Variants in KDM2B observed in about 807,000 individuals in gnomAD.
KDM2B encodes lysine demethylase 2B.
Under a neutral mutation model 150.0 loss-of-function variants are expected in KDM2B, and 26 were observed. The ratio of observed to expected loss-of-function variants is 0.17; its 90% CI spans 0.13 to 0.24. The LOEUF (loss-of-function observed/expected upper bound fraction) is 0.24, where lower values mean the gene tolerates loss of function less well. Among genes scored for constraint, KDM2B ranks in the 10% least tolerant of loss-of-function variants. The pLI, the probability that KDM2B is intolerant of heterozygous loss-of-function variation, is 1.00. For synonymous variants in KDM2B, 734 were observed against 729.5 expected, an observed-to-expected ratio of 1.01 and a Z score of -0.10; for missense variants, 1,265 against 1,816.9, an observed-to-expected ratio of 0.70 and a Z score of 5.52.
intron 8 of KDM2B, chr12:121,524,639 G>A (rs530971671): frequency 1.8e-5 from 8 of 443,734 alleles, no homozygotes; most frequent in South Asian, 1.3e-4. Context: ...TAAGAAGGAG[G>A]TGTGGAAATA....
chr12:121,498,897 C>T (rs1884240409), intron 11 of KDM2B, among the ~76,000 whole-genome samples: 1 of 152,090 alleles, frequency 6.6e-6, no homozygotes. Flanking sequence ...ACCACAGCCT[C>T]GAACTCCTGG....
downstream of KDM2B, among the ~76,000 whole-genome samples, chr12:121,426,149 C>G (rs1258022122): frequency 6.6e-6 from 1 of 152,170 alleles, no homozygotes; most frequent in Non-Finnish European, 1.5e-5. Context: ...TTTGTCTAAA[C>G]TTAAATTCAA....
chr12:121,494,466 T>C (rs1883690931), intron 12 of KDM2B, 113 bp downstream of exon 12: 2 of 679,634 alleles, frequency 2.9e-6, no homozygotes, highest in Admixed American at 2.8e-5. Context: ...TTAACTGCGG[T>C]GCCTTCATCT....
At chr12:121,435,211 C>T (rs1272533722) in intron 22 of KDM2B, among the ~76,000 whole-genome samples, 1 of 152,138 alleles carries the variant, frequency 6.6e-6, no homozygotes, top group Non-Finnish European at 1.5e-5. Flanking sequence ...GTGACAGTTG[C>T]ACAACATTGT....
In KDM2B at chr12:121,430,484, T is replaced by C. The variant is rs782059491; in HGVS notation, c.3830-15A>G. The C allele has an allele frequency of 1.4e-5, 23 of 1,603,776 alleles. No homozygotes were observed. The highest frequency in any genetic ancestry group is 1.6e-4 in the Middle Eastern group (1 of 6,068). Reference sequence around the variant, plus strand: ...CTTATTGCAGTCTGCAGAGAAGAAATAGTAATGTGAGGTGTGAAGGCCAGG... The same window carrying C: ...CTTATTGCAGTCTGCAGAGAAGAAACAGTAATGTGAGGTGTGAAGGCCAGG... On this transcript the variant is annotated splice_polypyrimidine_tract_variant and intron_variant, in intron 22 of 22. Coordinates refer to ENST00000377071, the MANE Select transcript of KDM2B (RefSeq NM_032590.5). The surrounding 1 kb of genome is among the most constrained non-coding windows in gnomAD (Gnocchi z 4.4).
At chr12:121,446,790 C>T (rs535256246) in intron 13 of KDM2B, among the ~76,000 whole-genome samples, 1 of 152,300 alleles carries the variant, frequency 6.6e-6, no homozygotes, top group Non-Finnish European at 1.5e-5. Context: ...CACCATAACC[C>T]GCACAGCTTC....
Position 121,537,058 on chromosome 12 carries a change from G to A in KDM2B, c.684-2468C>T, listed in dbSNP as rs1313114817. 2.0e-5 allele frequency among the ~76,000 whole-genome samples: 3 copies of A among 152,112 alleles called. No individual in the cohort carries two copies. Among genetic ancestry groups the A allele is most frequent in the African/African-American group, 7.2e-5 (3 of 41,434 alleles). ...ATCCAGAGGCCCCTCGGGGGGCTGG[G>A]GCCGCCTCTTCCAGACCTGCCTCTC... On this transcript the variant is annotated intron_variant, in intron 6 of 22. Coordinates refer to ENST00000377071, the MANE Select transcript of KDM2B (RefSeq NM_032590.5). This position sits in a 1 kb window ranked among gnomAD's most constrained non-coding sequence, Gnocchi z 8.7.
At position 121,578,913 on chromosome 12, in the gene KDM2B, C is replaced by G. The variant is rs1443643547; in HGVS notation, c.160G>C (p.Glu54Gln). The G allele has an allele frequency of 8.1e-6, 13 of 1,612,920 alleles. No homozygotes were observed. The highest frequency in any genetic ancestry group is 1.7e-5 in the Admixed American group (1 of 59,962). ...ATCTCCTCCACGTCCGACAAGTCCTCGTTCTCGTCGTATCGCTGGCGGTCA... is the reference window on the plus strand; with the variant it reads ...ATCTCCTCCACGTCCGACAAGTCCTGGTTCTCGTCGTATCGCTGGCGGTCA... The part of the protein sequence containing the change: ...PIDRQRYDEN[E>Q]DLSDVEEIVS... The change falls in exon 2 of 23, where the codon GAG becomes CAG. Residue 54 changes from glutamate to glutamine, a missense_variant. This residue lies in a region of KDM2B where 214 missense variants were observed against 447.4 expected (regional missense o/e 0.48). Transcript: ENST00000377071.
At chr12:121,474,183 G>A (rs564823311) in intron 12 of KDM2B, among the ~76,000 whole-genome samples, 1 of 152,270 alleles carries the variant, frequency 6.6e-6, no homozygotes, top group African/African-American at 2.4e-5. Context: ...CATTGTGAAC[G>A]TGTTAAATGA....
At chr12:121,427,734 A>G (rs1555284444), downstream of KDM2B, among the ~76,000 whole-genome samples, 1 of 152,102 alleles carries the variant, frequency 6.6e-6, no homozygotes, top group Non-Finnish European at 1.5e-5. Flanking sequence ...CAGCCCTGGC[A>G]GCCCCTCCCT....
At chr12:121,574,956 G>A (rs1463568631) in intron 3 of KDM2B, among the ~76,000 whole-genome samples, 6 of 152,190 alleles carry the variant, frequency 3.9e-5, no homozygotes, top group Non-Finnish European at 7.3e-5. Context: ...CCCTCTCTAT[G>A]TCTCTTTCTC....
At chr12:121,428,668 A>G (rs1872636102), downstream of KDM2B, among the ~76,000 whole-genome samples, 1 of 152,194 alleles carries the variant, frequency 6.6e-6, no homozygotes, top group Non-Finnish European at 1.5e-5. Flanking sequence ...TGAATATGAC[A>G]TCGCCAGCAG....
chr12:121,423,702 T>G, the KDM2B span: 1 of 822,744 alleles, frequency 1.2e-6, no homozygotes, highest in Non-Finnish European at 1.9e-6. The surrounding 1 kb of genome is among the most constrained non-coding windows in gnomAD (Gnocchi z 4.3). Context: ...GACTACTAAG[T>G]GGGGACAGAA....
intron 12 of KDM2B, among the ~76,000 whole-genome samples, chr12:121,476,892 T>C (rs969910586): frequency 3.9e-5 from 6 of 152,204 alleles, no homozygotes; most frequent in Non-Finnish European, 8.8e-5. Flanking sequence ...AACCAACTCC[T>C]TACTTTGAAA....
chr12:121,421,122 G>A, the KDM2B span, among the ~76,000 whole-genome samples: 2 of 151,988 alleles, frequency 1.3e-5, no homozygotes, highest in African/African-American at 2.4e-5. Context: ...CAGTACCTTG[G>A]TTCTCTCAAC....
chr12:121,487,135 T>C (rs1268017743), intron 12 of KDM2B, among the ~76,000 whole-genome samples: 1 of 152,026 alleles, frequency 6.6e-6, no homozygotes, highest in Non-Finnish European at 1.5e-5. Context: ...AGCAAGACCT[T>C]GTGTCAAACA....
At chr12:121,437,755 C>T (rs1261167575) in intron 22 of KDM2B, among the ~76,000 whole-genome samples, 1 of 152,194 alleles carries the variant, frequency 6.6e-6, no homozygotes, top group African/African-American at 2.4e-5. Flanking sequence ...ATCCTCCAAC[C>T]AAGTTTAAGG....
At position 121,509,991 on chromosome 12, in the gene KDM2B, A is replaced by G. The variant is rs782759014; in HGVS notation, c.1223T>C (p.Leu408Pro). 1.9e-6 allele frequency: 3 copies of G among 1,595,450 alleles called. No homozygotes were observed. The Admixed American group carries it at 5.1e-5, about 27-fold the overall frequency. Residue 408 changes from leucine (L) to proline (P), a missense_variant, in exon 11 of 23, where the codon CTG (leucine) becomes CCG (proline). By Grantham distance (98) the Leu-to-Pro change is moderately conservative. Transcript: ENST00000377071. ...ATCACAGGCCTCCTCCTCCATCTCCAGCCAGGAATCCGAAGAGAAGCCGTC... is the reference window on the plus strand; with the variant it reads ...ATCACAGGCCTCCTCCTCCATCTCCGGCCAGGAATCCGAAGAGAAGCCGTC... ...SIDGFSSDSW[L>P]EMEEEACDQQ...
chr12:121,491,531 G>A (rs934271069), intron 12 of KDM2B, among the ~76,000 whole-genome samples: 2 of 152,044 alleles, frequency 1.3e-5, no homozygotes, highest in Non-Finnish European at 2.9e-5. Context: ...GGTGGCTCAC[G>A]CCTTTAATTC....
Sources: gnomAD v4.1 joint callset for allele counts (sites outside exome capture counted in the v4.1 genomes callset) on GRCh38, gnomAD v4.1.1 for gene constraint, gnomAD v4.1.1 regional missense constraint, Gnocchi (gnomAD v3.1) non-coding constraint, MANE v1.5 for transcripts, NCBI Gene and HGNC (gene_info 2026-07-23, HGNC 2026-07-21) for gene names.